UBA6: variants seen among roughly 807,000 people sequenced by gnomAD.
UBA6 encodes the protein ubiquitin-like modifier-activating enzyme 6.
UBA6 carries 87 observed loss-of-function variants against 148.3 expected under a neutral mutation model. The observed-to-expected ratio is 0.59, with a 90% confidence interval of 0.49 to 0.70. The LOEUF (loss-of-function observed/expected upper bound fraction) is 0.70. Among genes scored for constraint, UBA6 ranks in the 30% least tolerant of loss-of-function variants. UBA6 has a pLI of 0.00. For synonymous variants in UBA6, 376 were observed against 401.0 expected (o/e 0.94, Z 0.75); for missense variants, 1,186 against 1,241.2 (o/e 0.96, Z 0.67).
At chr4:67,690,803 G>A (rs977658344) in intron 2 of UBA6, among the ~76,000 whole-genome samples, 5 of 150,002 alleles carry the variant, frequency 3.3e-5, no homozygotes, top group Admixed American at 6.7e-5. Flanking sequence ...AACATAACAA[G>A]TATTGGCAAC....
chr4:67,644,552 G>T (rs1729376478), intron 17 of UBA6, 146 bp downstream of exon 17: 1 of 579,868 alleles, frequency 1.7e-6, no homozygotes, highest in South Asian at 2.4e-5. Flanking sequence ...TTGAAAAGTG[G>T]TCAGAAGGGC....
chr4:67,667,917 C>G (rs1303629465), intron 9 of UBA6, among the ~76,000 whole-genome samples: 2 of 152,192 alleles, frequency 1.3e-5, no homozygotes, highest in Non-Finnish European at 2.9e-5. Flanking sequence ...CGACATTCAT[C>G]CCTTTTATTC....
intron 13 of UBA6, among the ~76,000 whole-genome samples, chr4:67,649,472 A>T (rs1729501068): frequency 6.6e-6 from 1 of 152,128 alleles, no homozygotes; most frequent in Non-Finnish European, 1.5e-5. Flanking sequence ...TTTATAATTA[A>T]CTCGAATATC....
At chr4:67,680,152 C>T (rs185428012) in intron 4 of UBA6, among the ~76,000 whole-genome samples, 5 of 152,190 alleles carry the variant, frequency 3.3e-5, no homozygotes, top group Admixed American at 1.3e-4. Flanking sequence ...TCCATACTTT[C>T]GTGAAACCAA....
chr4:67,619,072 A>C lies in UBA6; in HGVS notation c.3084T>G (p.Phe1028Leu). 6.2e-7 allele frequency: 1 copy of C among 1,612,438 alleles called. No individual in the cohort carries two copies. The highest frequency in any genetic ancestry group is 1.7e-4 in the Middle Eastern group (1 of 6,058). The part of the protein sequence containing the change: ...EKKYVDLTVS[F>L]APDIDGDEDL... ...CTTCATCTCCATCAATGTCTGGAGC[A>C]AATGACACAGTAAGATCCACATATT... The change falls in exon 33 of 33, where the codon TTT becomes TTG. Residue 1028 changes from phenylalanine to leucine, a missense_variant. Transcript: ENST00000322244.
At chr4:67,663,454 A>C (rs1729913872) in intron 11 of UBA6, 1 of 398,670 alleles carries the variant, frequency 2.5e-6, no homozygotes, top group South Asian at 7.1e-5. Context: ...AAATTTGGAA[A>C]CTGTTAGTTC....
At chr4:67,654,666 G>A (rs989161828) in intron 13 of UBA6, among the ~76,000 whole-genome samples, 1 of 152,210 alleles carries the variant, frequency 6.6e-6, no homozygotes, top group South Asian at 2.1e-4. Context: ...ATAATGATGG[G>A]ATCAAATTCA....
At chr4:67,695,289 G>A (rs1301316792) in intron 2 of UBA6, among the ~76,000 whole-genome samples, 1 of 152,114 alleles carries the variant, frequency 6.6e-6, no homozygotes, top group African/African-American at 2.4e-5. Flanking sequence ...TGACCTGCTT[G>A]CTGTTTTGCA....
intron 2 of UBA6, among the ~76,000 whole-genome samples, chr4:67,693,796 T>A (rs147873114): frequency 9.7e-4 from 148 of 152,274 alleles, no homozygotes; most frequent in African/African-American, 3.4e-3. Flanking sequence ...ACTGATGAAA[T>A]CTATCTCCCT....
chr4:67,636,903 T>C (rs1369671181), intron 19 of UBA6, among the ~76,000 whole-genome samples: 10 of 147,446 alleles, frequency 6.8e-5, no homozygotes, highest in African/African-American at 2.5e-4. Context: ...GTCTGGGAAG[T>C]GAGGAGCGCC....
intron 13 of UBA6, among the ~76,000 whole-genome samples, chr4:67,659,333 TCAC>T (rs1443752629): frequency 2.0e-5 from 3 of 152,134 alleles, no homozygotes; most frequent in Non-Finnish European, 4.4e-5. Context: ...ATCCCCATAA[TCAC>T]CACATGTCAA....
At chr4:67,689,527 G>A (rs540998489) in intron 2 of UBA6, among the ~76,000 whole-genome samples, 9 of 152,146 alleles carry the variant, frequency 5.9e-5, no homozygotes, top group African/African-American at 2.2e-4. Flanking sequence ...AAAGAGAAAT[G>A]TTTGTTTCTC....
chr4:67,667,683 G>A (rs1577824728), intron 9 of UBA6, among the ~76,000 whole-genome samples: 1 of 151,852 alleles, frequency 6.6e-6, no homozygotes, highest in East Asian at 1.9e-4. Flanking sequence ...CATGGCTGAA[G>A]GAAAAACACA....
rs761853313 is a variant in UBA6 at position 67,626,489 on chromosome 4, T to C, written c.2401-12A>G. The C allele has an allele frequency of 1.1e-5, 17 of 1,501,604 alleles. No individual in the cohort carries two copies. Among genetic ancestry groups the C allele is most frequent in the African/African-American group, 2.8e-5 (2 of 71,576 alleles). 93.0% of individuals were successfully genotyped at this position (1,501,604 alleles called of 1,614,324 possible). The stretch of plus-strand genomic sequence containing the variant: ...TCTGTTTGAACAACCTTTGAATATA[T>C]GAATATATTTTTATTAATGTTATCA... On this transcript the variant is annotated splice_polypyrimidine_tract_variant and intron_variant, in intron 27 of 32. Transcript: ENST00000322244.
chr4:67,641,182 C>T lies in UBA6; in HGVS notation c.1523G>A (p.Arg508Lys). The T allele has an allele frequency of 6.3e-7, 1 of 1,599,144 alleles. No individual in the cohort carries two copies. The highest frequency in any genetic ancestry group is 2.3e-5 in the East Asian group (1 of 44,074). Residue 508 changes from arginine (R) to lysine (K), a missense_variant, in exon 18 of 33, where the codon AGA becomes AAA. Arg to Lys is a conservative substitution (Grantham distance 26, BLOSUM62 2). Coordinates refer to ENST00000322244, the MANE Select transcript of UBA6 (RefSeq NM_018227.6). ...GTGATGAGGACGAAATAGGAACTGT[C>T]TATTTAAGTTGGATTTCTCTATCAA... ...PDLIEKSNLN[R>K]QFLFRPHHIQ...
intron 18 of UBA6, among the ~76,000 whole-genome samples, chr4:67,640,905 G>A (rs1729290411): frequency 1.3e-5 from 2 of 151,996 alleles, no homozygotes; most frequent in South Asian, 4.1e-4. Flanking sequence ...AACATACCCT[G>A]GTGATTACAA....
At chr4:67,626,592 T>C (rs1728875232) in intron 27 of UBA6, 115 bp from the exon 28 acceptor site, 1 of 669,324 alleles carries the variant, frequency 1.5e-6, no homozygotes, top group African/African-American at 1.8e-5. Flanking sequence ...TATATTTTGA[T>C]CAGATTATTA....
intron 23 of UBA6, 124 bp downstream of exon 23, chr4:67,633,221 C>T (rs1316419846): frequency 5.0e-6 from 4 of 797,202 alleles, no homozygotes; most frequent in Non-Finnish European, 7.4e-6. Context: ...ATTTAACTTA[C>T]TACTAATTTC....
intron 8 of UBA6, among the ~76,000 whole-genome samples, 162 bp downstream of exon 8, chr4:67,670,308 A>G (rs1173663329): frequency 3.3e-5 from 5 of 152,208 alleles, no homozygotes; most frequent in African/African-American, 1.2e-4. Context: ...CAGTTTTAAT[A>G]CAATGCAGTC....
Sources: gnomAD v4.1 joint callset for allele counts (sites outside exome capture counted in the v4.1 genomes callset) on GRCh38, gnomAD v4.1.1 for gene constraint, MANE v1.5 for transcripts, NCBI Gene and HGNC (gene_info 2026-07-23, HGNC 2026-07-21) for gene names.